Variants in MAP2 observed in about 807,000 individuals in gnomAD.
MAP2 encodes microtubule associated protein 2.
Under a neutral mutation model 137.6 loss-of-function variants are expected in MAP2, and 14 were observed. The ratio of observed to expected loss-of-function variants is 0.10; its 90% confidence interval spans 0.07 to 0.16. The LOEUF (loss-of-function observed/expected upper bound fraction) is 0.16. Ranked by LOEUF, MAP2 falls within the 10% of genes least tolerant of loss-of-function variation. MAP2 has a pLI of 1.00. For missense variants in MAP2, 2,088 were observed against 2,191.5 expected, an observed-to-expected ratio of 0.95 and a Z score of 0.94; for synonymous variants, 786 against 782.3, an observed-to-expected ratio of 1.00 and a Z score of -0.08.
chr2:209,564,569 AAAAAAAAAAAAAAACC>A lies in MAP2; in HGVS notation c.-171-15462_-171-15447del, dbSNP rs2072965198. 4.0e-5 allele frequency among the ~76,000 whole-genome samples: 6 copies of A among 150,998 alleles called. No homozygotes were observed. In the South Asian group the frequency reaches 1.3e-3, roughly 32 times the overall value. ...AGCTCTGTGGAGTAAAAAAAAAAAA[AAAAAAAAAAAAAAACC>A]AAAAGCCAGGGGTAGCCACAACCTT... On this transcript the variant is annotated intron_variant, in intron 2 of 15. Coordinates refer to ENST00000682079, the MANE Select transcript of MAP2 (RefSeq NM_001375505.1).
At chr2:209,714,979 A>G (rs904425503) in intron 13 of MAP2, among the ~76,000 whole-genome samples, 2 of 152,172 alleles carry the variant, frequency 1.3e-5, no homozygotes, top group Non-Finnish European at 2.9e-5. Flanking sequence ...TTCCATGCCA[A>G]AGTTTTTTTT....
intron 4 of MAP2, among the ~76,000 whole-genome samples, chr2:209,638,245 G>C (rs1031767424): frequency 4.6e-5 from 7 of 152,096 alleles, no homozygotes; most frequent in Admixed American, 4.6e-4. Context: ...GGCACACTAA[G>C]ATAAATCTAC....
chr2:209,484,564 C>T (rs2058130852), intron 1 of MAP2, among the ~76,000 whole-genome samples: 1 of 152,144 alleles, frequency 6.6e-6, no homozygotes, highest in Non-Finnish European at 1.5e-5. Flanking sequence ...GTTGCAGGCG[C>T]CTGTATTCCC....
intron 1 of MAP2, among the ~76,000 whole-genome samples, chr2:209,443,981 T>C (rs1698441891): frequency 6.6e-6 from 1 of 151,652 alleles, no homozygotes; most frequent in Non-Finnish European, 1.5e-5. Flanking sequence ...TTTAGGAATA[T>C]ATTATTCAAG....
chr2:209,454,800 G>A (rs1701160925), intron 1 of MAP2, among the ~76,000 whole-genome samples: 1 of 151,964 alleles, frequency 6.6e-6, no homozygotes, highest in East Asian at 1.9e-4. Flanking sequence ...TGCACTCATT[G>A]TGTGTGTGTG....
intron 2 of MAP2, among the ~76,000 whole-genome samples, chr2:209,576,971 G>T (rs2075463755): frequency 6.6e-6 from 1 of 152,156 alleles, no homozygotes; most frequent in Non-Finnish European, 1.5e-5. Flanking sequence ...CCTCCAGAGA[G>T]TATTAAATGT....
chr2:209,425,489 AAAT>A (rs1692311941), intron 1 of MAP2, among the ~76,000 whole-genome samples: 1 of 152,250 alleles, frequency 6.6e-6, no homozygotes, highest in Non-Finnish European at 1.5e-5. Context: ...CAAAACAAAA[AAAT>A]ATTGTTGGGT....
chr2:209,629,603 A>G (rs919655067), intron 4 of MAP2, among the ~76,000 whole-genome samples: 1 of 152,212 alleles, frequency 6.6e-6, no homozygotes, highest in Non-Finnish European at 1.5e-5. Context: ...CAGATTAAGC[A>G]TTCTAAAAAT....
intron 4 of MAP2, among the ~76,000 whole-genome samples, chr2:209,628,999 A>G (rs975128395): frequency 1.3e-5 from 2 of 152,232 alleles, no homozygotes; most frequent in Non-Finnish European, 1.5e-5. Flanking sequence ...CACATCTGCA[A>G]TGCTAAAGCA....
chr2:209,667,485 A>T (rs1209113418), intron 5 of MAP2, among the ~76,000 whole-genome samples: 1 of 152,022 alleles, frequency 6.6e-6, no homozygotes, highest in African/African-American at 2.4e-5. Context: ...CTTAGAACCG[A>T]GAATTGGTCA....
chr2:209,611,026 G>A (rs1338753900), intron 3 of MAP2, among the ~76,000 whole-genome samples: 1 of 152,054 alleles, frequency 6.6e-6, no homozygotes, highest in East Asian at 1.9e-4. Flanking sequence ...TTAAAAACTA[G>A]GGTTTTTGAG....
intron 2 of MAP2, among the ~76,000 whole-genome samples, chr2:209,561,746 A>G (rs2072158958): frequency 6.6e-6 from 1 of 152,322 alleles, no homozygotes; most frequent in Non-Finnish European, 1.5e-5. Context: ...TCAGTCTTCA[A>G]ACTATGTTGT....
intron 2 of MAP2, among the ~76,000 whole-genome samples, chr2:209,540,858 A>C (rs1260691420): frequency 6.6e-6 from 1 of 150,390 alleles, no homozygotes; most frequent in East Asian, 1.9e-4. Flanking sequence ...CGTACCCTGG[A>C]GTTACTGCAG....
Position 209,695,809 on chromosome 2 carries a change from G to A in MAP2, c.3639G>A (p.Thr1213=), listed in dbSNP as rs760894819. The change falls in exon 8 of 16, where the codon ACG becomes ACA. Residue 1213 remains threonine, a synonymous_variant. Coordinates refer to ENST00000682079, the MANE Select transcript of MAP2 (RefSeq NM_001375505.1). ...AAGAGACCCCAGATATATCCATCAC[G>A]CCTTCTGATGTTGCAGAGCCATTGC... ...ESKETPDISI[T]PSDVAEPLHE... is the part of the protein sequence containing the mutation. 6.8e-6 allele frequency: 11 copies of A among 1,613,892 alleles called. No homozygotes were observed. The African/African-American group carries it at 8.0e-5, about 12-fold the overall frequency.
intron 3 of MAP2, among the ~76,000 whole-genome samples, chr2:209,580,671 A>G (rs985844737): frequency 1.3e-5 from 2 of 152,230 alleles, no homozygotes; most frequent in African/African-American, 4.8e-5. Flanking sequence ...AAGTTATTTT[A>G]CATTTGCTTT....
chr2:209,564,403 G>A (rs2072909483), intron 2 of MAP2, among the ~76,000 whole-genome samples: 1 of 151,976 alleles, frequency 6.6e-6, no homozygotes. Context: ...TTATGCTAGT[G>A]TTTTTTCAAA....
intron 13 of MAP2, among the ~76,000 whole-genome samples, chr2:209,717,233 T>A (rs1178527792): frequency 6.6e-6 from 1 of 152,090 alleles, no homozygotes; most frequent in Non-Finnish European, 1.5e-5. Context: ...TGAGGAAACT[T>A]AAAATCATGG....
At chr2:209,675,113 C>T (rs2050713459) in intron 5 of MAP2, among the ~76,000 whole-genome samples, 1 of 151,896 alleles carries the variant, frequency 6.6e-6, no homozygotes, top group East Asian at 1.9e-4. Context: ...CAATATTATT[C>T]TCTAAAAAGT....
At chr2:209,528,883 T>C (rs2064610137) in intron 2 of MAP2, among the ~76,000 whole-genome samples, 1 of 149,986 alleles carries the variant, frequency 6.7e-6, no homozygotes, top group Non-Finnish European at 1.5e-5. Context: ...TGTATATATG[T>C]GTGTATATAC....
Sources: gnomAD v4.1 joint callset for allele counts (sites outside exome capture counted in the v4.1 genomes callset) on GRCh38, gnomAD v4.1.1 for gene constraint, MANE v1.5 for transcripts, NCBI Gene and HGNC (gene_info 2026-07-23, HGNC 2026-07-21) for gene names.